The following RUNX1 variants were observed in gnomAD, a reference collection of about 807,000 sequenced individuals.
RUNX1 encodes RUNX family transcription factor 1.
Under a neutral mutation model 42.8 loss-of-function variants are expected in RUNX1, and 19 were observed. The ratio of observed to expected loss-of-function variants is 0.44; its 90% CI spans 0.31 to 0.65. The LOEUF is 0.65. Among genes scored for constraint, RUNX1 ranks in the 30% least tolerant of loss-of-function variants. RUNX1 has a pLI of 0.07. For synonymous variants in RUNX1, 271 were observed against 289.4 expected, an observed-to-expected ratio of 0.94 and a Z score of 0.64; for missense variants, 528 against 672.0, an observed-to-expected ratio of 0.79 and a Z score of 2.37.
intron 2 of RUNX1, among the ~76,000 whole-genome samples, chr21:34,987,852 C>T (rs73203029): frequency 0.018 from 2,775 of 152,326 alleles, 37 homozygotes; most frequent in Middle Eastern, 0.031. Context: ...CGTGTGCAGA[C>T]TTGCTCTAGA....
At position 34,881,602 on chromosome 21, in the gene RUNX1, G is replaced by T. The variant is rs1185139833; in HGVS notation, c.352-889C>A. Among the ~76,000 whole-genome samples the T allele has an allele frequency of 2.0e-5, 3 of 152,218 alleles. No homozygotes were observed. In the East Asian group the frequency reaches 5.8e-4, roughly 29 times the overall value. Reference sequence around the variant, plus strand: ...GCGTGTGTAAACTCATGTCCTCACAGATGCCTGAGGTTTTCTGCTAGCCCA... The same window carrying T: ...GCGTGTGTAAACTCATGTCCTCACATATGCCTGAGGTTTTCTGCTAGCCCA... On this transcript the variant is annotated intron_variant, in intron 4 of 8. Transcript: ENST00000675419.
At chr21:35,034,056 C>G (rs2059290482) in intron 2 of RUNX1, among the ~76,000 whole-genome samples, 1 of 152,184 alleles carries the variant, frequency 6.6e-6, no homozygotes, top group South Asian at 2.1e-4. Context: ...CTCTAGAAGG[C>G]CTTCTCTTGA....
At chr21:34,995,177 T>C (rs1417420128) in intron 2 of RUNX1, among the ~76,000 whole-genome samples, 2 of 152,178 alleles carry the variant, frequency 1.3e-5, no homozygotes, top group African/African-American at 4.8e-5. Context: ...GGCCCCACCT[T>C]GTGAGGCCAC....
intron 2 of RUNX1, among the ~76,000 whole-genome samples, chr21:35,011,621 C>T (rs974646862): frequency 1.1e-4 from 16 of 152,202 alleles, no homozygotes; most frequent in African/African-American, 3.9e-4. Context: ...TCCATGGCCA[C>T]TGCCTGTGGA....
chr21:34,896,640 G>A (rs1414580713), intron 2 of RUNX1, among the ~76,000 whole-genome samples: 4 of 152,040 alleles, frequency 2.6e-5, no homozygotes, highest in Non-Finnish European at 4.4e-5. Flanking sequence ...CCAAGATTGT[G>A]CCATTGCACT....
At chr21:34,977,829 G>A (rs2058814435) in intron 2 of RUNX1, among the ~76,000 whole-genome samples, 1 of 152,156 alleles carries the variant, frequency 6.6e-6, no homozygotes, top group Admixed American at 6.5e-5. Flanking sequence ...CTATTGCTAT[G>A]TAAGGAAGGT....
In RUNX1 at chr21:34,896,148, AG is replaced by A. The variant is rs562241113; in HGVS notation, c.59-3186del. 3.5e-3 allele frequency among the ~76,000 whole-genome samples: 528 copies of A among 152,288 alleles called. 2 individuals carry two copies. Among genetic ancestry groups the A allele is most frequent in the South Asian group, 0.011 (55 of 4,828 alleles). ...AATAGGAGGTGCTGGTGGGGAAAAC[AG>A]GAATTCTGGGGAGAGGTTTCATGTA... On this transcript the variant is annotated intron_variant, in intron 2 of 8. Coordinates refer to ENST00000675419, the MANE Select transcript of RUNX1 (RefSeq NM_001754.5).
At chr21:34,812,413 A>G (rs1314342243) in intron 7 of RUNX1, among the ~76,000 whole-genome samples, 2 of 152,220 alleles carry the variant, frequency 1.3e-5, no homozygotes, top group Admixed American at 6.5e-5. Context: ...ACACTTGAAG[A>G]TAAGAGCCAT....
intron 7 of RUNX1, among the ~76,000 whole-genome samples, chr21:34,830,612 C>A (rs1305219534): frequency 6.6e-6 from 1 of 152,190 alleles, no homozygotes; most frequent in Non-Finnish European, 1.5e-5. Flanking sequence ...GAACGGCCAT[C>A]CCACTTGCAC....
At chr21:34,930,221 A>G (rs2058429378) in intron 2 of RUNX1, among the ~76,000 whole-genome samples, 1 of 136,126 alleles carries the variant, frequency 7.3e-6, no homozygotes, top group South Asian at 2.1e-4. Context: ...ATACATGTAT[A>G]TATATTATAT....
At chr21:35,047,942 A>C (rs944637355) in intron 2 of RUNX1, among the ~76,000 whole-genome samples, 2 of 152,106 alleles carry the variant, frequency 1.3e-5, no homozygotes, top group South Asian at 2.1e-4. Flanking sequence ...TTTACCACGA[A>C]AGATACACAA....
At chr21:34,902,459 T>C (rs1459716247) in intron 2 of RUNX1, among the ~76,000 whole-genome samples, 1 of 152,138 alleles carries the variant, frequency 6.6e-6, no homozygotes, top group Non-Finnish European at 1.5e-5. Context: ...TCTTGGATAC[T>C]TGGAGTAAAG....
At chr21:34,828,639 A>G (rs975441545) in intron 7 of RUNX1, among the ~76,000 whole-genome samples, 2 of 152,200 alleles carry the variant, frequency 1.3e-5, no homozygotes, top group African/African-American at 4.8e-5. Context: ...CATCATGGCA[A>G]TGTTGAGAGG....
chr21:34,806,817 T>C (rs920177568), intron 7 of RUNX1, among the ~76,000 whole-genome samples: 1 of 152,040 alleles, frequency 6.6e-6, no homozygotes, highest in African/African-American at 2.4e-5. Flanking sequence ...CAATAATAGA[T>C]AACTGGAAAA....
At chr21:34,950,664 A>G (rs1216928610) in intron 2 of RUNX1, among the ~76,000 whole-genome samples, 1 of 152,218 alleles carries the variant, frequency 6.6e-6, no homozygotes, top group Non-Finnish European at 1.5e-5. Flanking sequence ...TTGAAACCAG[A>G]GGTGGAGGTT....
chr21:34,896,069 G>A (rs922408574), intron 2 of RUNX1, among the ~76,000 whole-genome samples: 7 of 151,970 alleles, frequency 4.6e-5, no homozygotes, highest in African/African-American at 9.7e-5. Flanking sequence ...CAGAAACAGC[G>A]GGTTTACAGA....
intron 2 of RUNX1, among the ~76,000 whole-genome samples, chr21:34,946,354 G>A (rs2058562997): frequency 6.6e-6 from 1 of 152,112 alleles, no homozygotes; most frequent in Non-Finnish European, 1.5e-5. Flanking sequence ...CCATGGGCTT[G>A]GGGGGAGGTT....
intron 2 of RUNX1, among the ~76,000 whole-genome samples, chr21:34,985,944 T>C (rs1460665497): frequency 1.3e-5 from 2 of 148,312 alleles, no homozygotes. Flanking sequence ...ACGATCATGG[T>C]CGCTGCAGCC....
intron 4 of RUNX1, among the ~76,000 whole-genome samples, chr21:34,882,355 T>C (rs985007091): frequency 6.6e-6 from 1 of 151,446 alleles, no homozygotes; most frequent in Non-Finnish European, 1.5e-5. Flanking sequence ...GAGATGAACA[T>C]ACTTCCAACC....
Sources: gnomAD v4.1 joint callset for allele counts (sites outside exome capture counted in the v4.1 genomes callset) on GRCh38, gnomAD v4.1.1 for gene constraint, MANE v1.5 for transcripts, NCBI Gene and HGNC (gene_info 2026-07-23, HGNC 2026-07-21) for gene names.